The following ICE2 variants were observed in gnomAD, a reference collection of about 807,000 sequenced individuals.
The protein encoded by ICE2 is little elongation complex subunit 2.
ICE2 carries 87 observed loss-of-function variants against 105.4 expected under a neutral mutation model. The observed-to-expected ratio is 0.83, with a 90% confidence interval of 0.69 to 0.99. The LOEUF (loss-of-function observed/expected upper bound fraction) is 0.99, where lower values mean the gene tolerates loss of function less well. Ranked by LOEUF, ICE2 falls within the 50% of genes least tolerant of loss-of-function variation. ICE2 has a pLI of 0.00. For synonymous variants in ICE2, 399 were observed against 392.0 expected, an observed-to-expected ratio of 1.02 and a Z score of -0.21; for missense variants, 1,323 against 1,146.7, an observed-to-expected ratio of 1.15 and a Z score of -2.22.
At chr15:60,472,402 T>C (rs2064626998) in intron 3 of ICE2, among the ~76,000 whole-genome samples, 1 of 152,154 alleles carries the variant, frequency 6.6e-6, no homozygotes, top group African/African-American at 2.4e-5. Context: ...TAAGAATTAT[T>C]ACAGTAATTA....
intron 11 of ICE2, among the ~76,000 whole-genome samples, chr15:60,444,842 C>G (rs993214687): frequency 6.6e-6 from 1 of 152,102 alleles, no homozygotes; most frequent in African/African-American, 2.4e-5. Flanking sequence ...ACCACCACGC[C>G]TAGCTAAGTT....
At chr15:60,439,237 G>A (rs1211683650) in intron 12 of ICE2, 2 of 152,084 alleles carry the variant, frequency 1.3e-5, no homozygotes, top group Non-Finnish European at 2.9e-5. Flanking sequence ...ATAGGAAAAC[G>A]AAAAGAACAG....
intron 5 of ICE2, among the ~76,000 whole-genome samples, chr15:60,457,672 C>T (rs935823521): frequency 2.6e-5 from 4 of 152,094 alleles, no homozygotes; most frequent in African/African-American, 7.2e-5. Context: ...TTTCAGAACC[C>T]CTTCCGCCCT....
In ICE2 at chr15:60,479,052, C is replaced by T. The variant is rs1183874143; in HGVS notation, c.-142G>A. On this transcript the variant is annotated 5_prime_UTR_variant, in exon 1 of 16. It adds an upstream start codon to the 5' untranslated region. Transcript: ENST00000261520. ...CCAGGCCGCAGCCACACACCACACA[C>T]GCTCCACCCCACTCCTCACATTGTC... 1 of 455,558 alleles carries T rather than the reference C, an allele frequency of 2.2e-6. No homozygotes were observed. The highest frequency in any genetic ancestry group is 1.5e-5 in the South Asian group (1 of 64,526). The allele number at this position is 455,558 out of a possible 1,614,324, so 28.2% of individuals were successfully genotyped here. A position where few individuals can be genotyped will look rare whatever the true frequency, so the allele number is the denominator to read the frequency against.
rs181825104 is a variant in ICE2, at chr15:60,431,960, G to A, written c.2535C>T (p.Leu845=). ...TACTTAGTTTCTTTAGAATGTGTTG[G>A]AGGATGTTAAATAAATTGGAAATCC... ...ALKISNLFNI[L]QHILKKLSSL... Residue 845 remains leucine, a synonymous_variant, in exon 14 of 16, where the codon CTC becomes CTT. Transcript: ENST00000261520. The A allele has an allele frequency of 3.5e-6, 5 of 1,412,000 alleles. No individual in the cohort carries two copies. In the African/African-American group the frequency reaches 7.0e-5, roughly 20 times the overall value. The allele number at this position is 1,412,000 out of a possible 1,614,324, so 87.5% of individuals were successfully genotyped here.
intron 10 of ICE2, among the ~76,000 whole-genome samples, chr15:60,448,410 T>G (rs569191461): frequency 6.6e-6 from 1 of 152,174 alleles, no homozygotes; most frequent in South Asian, 2.1e-4. Context: ...GCATACCATG[T>G]GAGAAAAATA....
At position 60,455,377 on chromosome 15, in the gene ICE2, G is replaced by A. The variant is rs61753854; in HGVS notation, c.732C>T (p.Asp244=). ...SMPIKLQLSK[D]DIATIETSEQ... Reference sequence around the variant, plus strand: ...CTGACGTTTCAATGGTAGCTATATCGTCCTTTGACAGCTGCAACTTTATAG... The same window carrying A: ...CTGACGTTTCAATGGTAGCTATATCATCCTTTGACAGCTGCAACTTTATAG... Residue 244 remains aspartate (D), a synonymous_variant, in exon 7 of 16, where the codon GAC becomes GAT. Transcript: ENST00000261520. 2.1e-3 allele frequency: 3,456 copies of A among 1,613,724 alleles called. 17 individuals are homozygous for A. The Middle Eastern group carries it at 0.027, about 12-fold the overall frequency.
chr15:60,461,635 T>C (rs2064279813), intron 5 of ICE2, among the ~76,000 whole-genome samples: 1 of 152,076 alleles, frequency 6.6e-6, no homozygotes, highest in Admixed American at 6.5e-5. Context: ...TGATCACTAG[T>C]ATTAATATTG....
chr15:60,426,389 A>G (rs1029587973), intron 15 of ICE2, among the ~76,000 whole-genome samples: 6 of 152,230 alleles, frequency 3.9e-5, no homozygotes, highest in African/African-American at 1.4e-4. Context: ...TAACAGCAAT[A>G]GGCTATACCA....
At chr15:60,460,578 A>C (rs2064247607) in intron 5 of ICE2, among the ~76,000 whole-genome samples, 1 of 152,200 alleles carries the variant, frequency 6.6e-6, no homozygotes, top group South Asian at 2.1e-4. Context: ...ACTCTGTGCT[A>C]AAGCAGAGTT....
chr15:60,458,881 CCT>C (rs1379625998), intron 5 of ICE2, among the ~76,000 whole-genome samples: 1 of 152,038 alleles, frequency 6.6e-6, no homozygotes, highest in Non-Finnish European at 1.5e-5. Context: ...CTGTATGTTT[CCT>C]CTTATATGGG....
At chr15:60,435,280 CA>C (rs2063558684) in intron 13 of ICE2, among the ~76,000 whole-genome samples, 1 of 147,548 alleles carries the variant, frequency 6.8e-6, no homozygotes, top group South Asian at 2.2e-4. Flanking sequence ...GACTCCGTCT[CA>C]AAAAACAAAA....
chr15:60,432,147 TATG>T (rs1323229517), intron 13 of ICE2, among the ~76,000 whole-genome samples, 163 bp from the exon 14 acceptor site: 1 of 151,622 alleles, frequency 6.6e-6, no homozygotes, highest in African/African-American at 2.4e-5. Context: ...TGGATTAAAT[TATG>T]ATATTTACTT....
intron 13 of ICE2, 46 bp from the exon 14 acceptor site, chr15:60,432,030 T>G (rs781497607): frequency 1.8e-6 from 2 of 1,091,960 alleles, no homozygotes; most frequent in African/African-American, 1.5e-5. Context: ...GCAAAAAACT[T>G]ACTTTTAGCA....
At chr15:60,477,798 G>T in intron 2 of ICE2, 139 bp downstream of exon 2, 1 of 743,042 alleles carries the variant, frequency 1.3e-6, no homozygotes, top group African/African-American at 1.7e-5. Context: ...TGAAGATGAG[G>T]ATAGGGTAAA....
chr15:60,458,303 A>G (rs182662767), intron 5 of ICE2, among the ~76,000 whole-genome samples: 28 of 152,322 alleles, frequency 1.8e-4, no homozygotes, highest in Admixed American at 1.8e-3. Context: ...ACTGAGTGCT[A>G]TTAGTATTTA....
rs2063243142 is a variant in ICE2 at position 60,421,626 on chromosome 15, A to G, written c.*2008T>C. The G allele has an allele frequency of 6.6e-6, 1 of 152,206 alleles. No homozygotes were observed. The highest frequency in any genetic ancestry group is 2.4e-5 in the African/African-American group (1 of 41,454). The allele number at this position is 152,206 out of a possible 1,614,324, so 9.4% of individuals were successfully genotyped here. The stretch of plus-strand genomic sequence containing the variant: ...AACCACTGTCCAGCTCTTTAAAAAG[A>G]GCACATTCCATTCTGGTGCACACAA... On this transcript the variant is annotated 3_prime_UTR_variant, in exon 16 of 16. Coordinates refer to ENST00000261520, the MANE Select transcript of ICE2 (RefSeq NM_024611.6).
intron 11 of ICE2, chr15:60,447,393 G>C (rs1445747373): frequency 6.6e-6 from 1 of 152,162 alleles, no homozygotes; most frequent in Non-Finnish European, 1.5e-5. Context: ...TATAAAGGTG[G>C]AGTATCCCTT....
intron 5 of ICE2, among the ~76,000 whole-genome samples, chr15:60,462,508 C>T (rs28519408): frequency 0.25 from 37,253 of 151,862 alleles, 4,908 homozygotes; most frequent in Middle Eastern, 0.44. Context: ...AAAAAACATA[C>T]AGTACAAAAT....
Sources: gnomAD v4.1 joint callset for allele counts (sites outside exome capture counted in the v4.1 genomes callset) on GRCh38, gnomAD v4.1.1 for gene constraint, MANE v1.5 for transcripts, NCBI Gene and HGNC (gene_info 2026-07-23, HGNC 2026-07-21) for gene names.